Variants in MBD5 observed in about 807,000 individuals in gnomAD.
MBD5 encodes the protein methyl-CpG binding domain protein 5.
In MBD5, 13 loss-of-function variants were observed where a neutral mutation model predicts 117.3. The ratio of observed to expected loss-of-function variants is 0.11; its 90% confidence interval spans 0.07 to 0.18. The LOEUF (loss-of-function observed/expected upper bound fraction) is 0.18, where lower values mean the gene tolerates loss of function less well. MBD5 is among the 10% of genes least tolerant of loss of function. The pLI, the probability that MBD5 is intolerant of heterozygous loss-of-function variation, is 1.00. For missense variants in MBD5, 1,879 were observed against 2,093.8 expected (o/e 0.90, Z 2.00); for synonymous variants, 727 against 766.4 (o/e 0.95, Z 0.85).
chr2:148,359,412 AT>A (rs905567995), intron 4 of MBD5, among the ~76,000 whole-genome samples: 2 of 152,172 alleles, frequency 1.3e-5, no homozygotes, highest in African/African-American at 4.8e-5. Flanking sequence ...CTATATACCC[AT>A]TTTTAAACCG....
At chr2:148,410,409 G>A (rs1477969757) in intron 4 of MBD5, among the ~76,000 whole-genome samples, 2 of 151,940 alleles carry the variant, frequency 1.3e-5, no homozygotes, top group Non-Finnish European at 2.9e-5. Context: ...TGGTTTGTAG[G>A]TGTTCTTTAT....
chr2:148,356,429 C>G (rs1703381927), intron 4 of MBD5, among the ~76,000 whole-genome samples: 1 of 152,076 alleles, frequency 6.6e-6, no homozygotes, highest in Non-Finnish European at 1.5e-5. Flanking sequence ...ACTACTGTCA[C>G]TCTCCCCCAC....
intron 4 of MBD5, among the ~76,000 whole-genome samples, chr2:148,448,273 C>G (rs941690143): frequency 6.6e-6 from 1 of 152,048 alleles, no homozygotes; most frequent in Non-Finnish European, 1.5e-5. Flanking sequence ...CAGAAATAAT[C>G]TTCCTCCTCT....
At chr2:148,488,208 A>C (rs1681399191) in intron 10 of MBD5, among the ~76,000 whole-genome samples, 1 of 152,244 alleles carries the variant, frequency 6.6e-6, no homozygotes, top group African/African-American at 2.4e-5. Flanking sequence ...GTATCAGAGT[A>C]TAAGAAATTG....
At chr2:148,098,878 C>T (rs535757880) in intron 1 of MBD5, among the ~76,000 whole-genome samples, 1 of 152,018 alleles carries the variant, frequency 6.6e-6, no homozygotes, top group African/African-American at 2.4e-5. Flanking sequence ...TGGCGAGACC[C>T]TGTCTCTACA....
At chr2:148,508,205 C>T (rs1240753024) in intron 12 of MBD5, among the ~76,000 whole-genome samples, 5 of 152,110 alleles carry the variant, frequency 3.3e-5, no homozygotes, top group Non-Finnish European at 5.9e-5. Flanking sequence ...AGGAAAACAA[C>T]TGAGACTGAC....
chr2:148,512,792 T>G, intron 13 of MBD5, 78 bp from the exon 14 acceptor site: 1 of 1,315,104 alleles, frequency 7.6e-7, no homozygotes, highest in Non-Finnish European at 1.1e-6. Context: ...CCTACCCTGC[T>G]CCTTTGTCAG....
chr2:148,330,005 G>A (rs944718243), intron 3 of MBD5, among the ~76,000 whole-genome samples: 2 of 143,862 alleles, frequency 1.4e-5, no homozygotes, highest in Non-Finnish European at 3.0e-5. Flanking sequence ...GTAGGCAAGA[G>A]TTAAGACTTC....
At position 148,489,775 on chromosome 2, in the gene MBD5, C is replaced by G. The variant is rs758083193; in HGVS notation, c.4143C>G (p.Asn1381Lys). The change falls in exon 11 of 14, where the codon AAC becomes AAG. Residue 1381 changes from asparagine (N) to lysine (K), a missense_variant. By Grantham distance (94) the Asn-to-Lys change is moderately conservative. This residue lies in a region of MBD5 where 1,666 missense variants were observed against 1,792.2 expected (regional missense o/e 0.93). Coordinates refer to ENST00000642680, the MANE Select transcript of MBD5 (RefSeq NM_001378120.1). ...SAVSAVIHGRNMGGVDHDGRL... is the reference protein window; with the variant it reads ...SAVSAVIHGRKMGGVDHDGRL... ...TCAGTGCGGTCATTCATGGACGGAA[C>G]ATGGGAGGTGTTGATCATGATGGTA... The G allele has an allele frequency of 6.2e-7, 1 of 1,614,086 alleles. No homozygotes were observed. The highest frequency in any genetic ancestry group is 8.5e-7 in the Non-Finnish European group (1 of 1,180,020).
At chr2:148,046,722 A>G (rs889134051) in intron 1 of MBD5, among the ~76,000 whole-genome samples, 1 of 152,164 alleles carries the variant, frequency 6.6e-6, no homozygotes, top group African/African-American at 2.4e-5. Flanking sequence ...AATGGTAGTA[A>G]GTAATCTCCT....
At chr2:148,084,406 T>A (rs1338222483) in intron 1 of MBD5, among the ~76,000 whole-genome samples, 1 of 152,216 alleles carries the variant, frequency 6.6e-6, no homozygotes, top group Non-Finnish European at 1.5e-5. Flanking sequence ...CCTCAGGTAA[T>A]ATCTATTCTA....
intron 4 of MBD5, among the ~76,000 whole-genome samples, chr2:148,386,819 T>C (rs921588047): frequency 2.6e-5 from 4 of 152,064 alleles, no homozygotes; most frequent in African/African-American, 9.7e-5. Flanking sequence ...AGATGAACTG[T>C]ACCCATTCCT....
intron 3 of MBD5, among the ~76,000 whole-genome samples, chr2:148,241,425 C>T (rs1700214021): frequency 6.6e-6 from 1 of 152,130 alleles, no homozygotes; most frequent in Non-Finnish European, 1.5e-5. Flanking sequence ...AAACTCGAAA[C>T]TCTTTGTCTC....
In MBD5 at chr2:148,515,849, A is replaced by G. The variant is rs943572085; in HGVS notation, c.*2908A>G. The G allele has an allele frequency of 3.9e-5, 6 of 152,370 alleles. No individual in the cohort carries two copies. The highest frequency in any genetic ancestry group is 1.4e-4 in the African/African-American group (6 of 41,584). 9.4% of individuals were successfully genotyped at this position (152,370 alleles called of 1,614,324 possible). A position where few individuals can be genotyped will look rare whatever the true frequency, so the allele number is the denominator to read the frequency against. The stretch of plus-strand genomic sequence containing the variant: ...TAAAAATTATTTCAAATGAGTGAAA[A>G]TTAACTGAGCAGCTTTTGTGTGATT... On this transcript the variant is annotated 3_prime_UTR_variant, in exon 14 of 14. Coordinates refer to ENST00000642680, the MANE Select transcript of MBD5 (RefSeq NM_001378120.1).
chr2:148,390,101 G>A (rs1704520091), intron 4 of MBD5, among the ~76,000 whole-genome samples: 1 of 152,014 alleles, frequency 6.6e-6, no homozygotes, highest in Non-Finnish European at 1.5e-5. Flanking sequence ...TTTTAATATG[G>A]TGAGTGGTAG....
chr2:148,269,597 G>A (rs1700935652), intron 3 of MBD5, among the ~76,000 whole-genome samples: 1 of 150,122 alleles, frequency 6.7e-6, no homozygotes. Context: ...TTTCTTTCTG[G>A]AAGCCTTTAA....
chr2:148,504,041 G>A (rs1236317871), intron 12 of MBD5, among the ~76,000 whole-genome samples: 1 of 152,184 alleles, frequency 6.6e-6, no homozygotes, highest in Non-Finnish European at 1.5e-5. Context: ...CTTGAAATGA[G>A]CTGTATTTTC....
At chr2:148,387,796 A>C (rs1457138288) in intron 4 of MBD5, among the ~76,000 whole-genome samples, 1 of 152,140 alleles carries the variant, frequency 6.6e-6, no homozygotes, top group African/African-American at 2.4e-5. Context: ...GTACACAGAA[A>C]TGAAAATAAC....
Position 148,456,787 on chromosome 2 carries a change from C to T in MBD5, c.-556-1416C>T, listed in dbSNP as rs932224039. On this transcript the variant is annotated intron_variant, in intron 4 of 13. Coordinates refer to ENST00000642680, the MANE Select transcript of MBD5 (RefSeq NM_001378120.1). ...CCCCATTGCCTGCCAGTGTTTGCCA[C>T]GTCCATACCCACAGTTCCCTGTTTT... is the stretch of plus-strand genomic sequence containing the variant. 5.7e-4 allele frequency among the ~76,000 whole-genome samples: 86 copies of T among 152,142 alleles called. 1 individual carries two copies. The highest frequency in any genetic ancestry group is 2.6e-4 in the Admixed American group (4 of 15,256).
Sources: gnomAD v4.1 joint callset for allele counts (sites outside exome capture counted in the v4.1 genomes callset) on GRCh38, gnomAD v4.1.1 for gene constraint, gnomAD v4.1.1 regional missense constraint, MANE v1.5 for transcripts, NCBI Gene and HGNC (gene_info 2026-07-23, HGNC 2026-07-21) for gene names.